MED14: variants seen among roughly 807,000 people sequenced by gnomAD.
MED14 encodes mediator complex subunit 14.
MED14 carries 8 observed loss-of-function variants against 109.0 expected under a neutral mutation model. The observed-to-expected ratio is 0.07, with a 90% CI of 0.04 to 0.13. The LOEUF (loss-of-function observed/expected upper bound fraction) is 0.13. Among genes scored for constraint, MED14 ranks in the 10% least tolerant of loss-of-function variants. MED14 has a pLI of 1.00. For missense variants in MED14, 711 were observed against 1,142.4 expected, an observed-to-expected ratio of 0.62 and a Z score of 5.44; for synonymous variants, 399 against 408.7, an observed-to-expected ratio of 0.98 and a Z score of 0.29.
At chrX:40,682,498 T>A in intron 18 of MED14, 105 bp downstream of exon 18, 2 of 643,703 alleles carry the variant, frequency 3.1e-6, no homozygotes, top group Non-Finnish European at 4.5e-6. Context: ...AGATATACTT[T>A]GATTTTTTTG....
At chrX:40,734,907 G>A (rs915303400) in intron 1 of MED14, among the ~76,000 whole-genome samples, 10 of 112,012 alleles carry the variant, frequency 8.9e-5, no homozygotes, top group African/African-American at 2.9e-4. Context: ...ATGTATTCCA[G>A]CCAAGAAATC....
chrX:40,674,547 G>GTA (rs1929847284), intron 22 of MED14, among the ~76,000 whole-genome samples: 1 of 112,179 alleles, frequency 8.9e-6, no homozygotes, highest in Admixed American at 9.4e-5. Flanking sequence ...CTTGCCTACA[G>GTA]GCTGTGTGCT....
At chrX:40,718,795 C>T (rs1385653691) in intron 3 of MED14, among the ~76,000 whole-genome samples, 3 of 111,450 alleles carry the variant, frequency 2.7e-5, no homozygotes, top group Non-Finnish European at 5.6e-5. Context: ...GCTGTGATTA[C>T]ACCACTGCAC....
At chrX:40,730,154 G>A (rs183850352) in intron 1 of MED14, among the ~76,000 whole-genome samples, 26 of 112,084 alleles carry the variant, frequency 2.3e-4, no homozygotes, top group African/African-American at 8.1e-4. Flanking sequence ...TCCCACCCAC[G>A]TGCCACAGGA....
intron 3 of MED14, among the ~76,000 whole-genome samples, chrX:40,718,343 G>C (rs967280523): frequency 9.0e-6 from 1 of 111,676 alleles, no homozygotes; most frequent in Non-Finnish European, 1.9e-5. Context: ...ATCAGACCAA[G>C]GTCAAGCTCA....
chrX:40,687,991 G>A (rs1930355419), intron 16 of MED14, among the ~76,000 whole-genome samples: 1 of 111,888 alleles, frequency 8.9e-6, no homozygotes, highest in African/African-American at 3.3e-5. Context: ...GAGGTGGGTG[G>A]ATCACTTGAG....
chrX:40,717,803 G>C (rs955950699), intron 3 of MED14, among the ~76,000 whole-genome samples: 5 of 112,293 alleles, frequency 4.5e-5, no homozygotes, highest in Non-Finnish European at 9.4e-5. Flanking sequence ...GATTACAGGC[G>C]TGAGCCACTG....
chrX:40,710,427 C>A (rs1193155172), intron 8 of MED14, among the ~76,000 whole-genome samples: 1 of 111,878 alleles, frequency 8.9e-6, no homozygotes, highest in Non-Finnish European at 1.9e-5. Context: ...GACTCCTTTA[C>A]AGAAAATGGG....
chrX:40,655,428 C>G lies in MED14; in HGVS notation c.3973-368G>C, dbSNP rs1316434845. Among the ~76,000 whole-genome samples, 7 of 111,362 alleles carry G rather than the reference C, an allele frequency of 6.3e-5. No homozygotes were observed. In the East Asian group the frequency reaches 1.7e-3, roughly 27 times the overall value. On this transcript the variant is annotated intron_variant, in intron 28 of 30. Transcript: ENST00000324817. ...CAGCTCTTTCCAGTGGCTGCCTCTT[C>G]CAGTCCATCCTCATACCACCATCAG...
Position 40,667,421 on chromosome X carries a change from T to C in MED14, c.3134-570A>G, listed in dbSNP as rs770292298. 1.5e-4 allele frequency among the ~76,000 whole-genome samples: 17 copies of C among 111,723 alleles called. No homozygotes were observed. In the South Asian group the frequency reaches 6.4e-3, roughly 42 times the overall value. On this transcript the variant is annotated intron_variant, in intron 23 of 30. Transcript: ENST00000324817. ...GCATGAGGATACCCAGGGGATGAGA[T>C]ATTCCAGCCAAACAGAGAGCTAGTG...
chrX:40,711,785 GCTT>G (rs1375973633), intron 7 of MED14, among the ~76,000 whole-genome samples: 1 of 106,595 alleles, frequency 9.4e-6, no homozygotes, highest in Non-Finnish European at 1.9e-5. Flanking sequence ...ACCACACCAG[GCTT>G]CTTTTTTTTT....
intron 26 of MED14, among the ~76,000 whole-genome samples, chrX:40,659,997 T>C (rs1378177448): frequency 8.9e-6 from 1 of 112,257 alleles, no homozygotes; most frequent in Admixed American, 9.5e-5. Flanking sequence ...GTAAGGGGAC[T>C]TAGAAAAACT....
chrX:40,666,376 G>A (rs1929480839), intron 24 of MED14, among the ~76,000 whole-genome samples: 1 of 107,599 alleles, frequency 9.3e-6, no homozygotes, highest in Non-Finnish European at 1.9e-5. Flanking sequence ...GGTACCCATT[G>A]TTGGGGGGCA....
At chrX:40,659,175 C>A (rs1929177814) in intron 28 of MED14, 52 bp downstream of exon 28, 1 of 896,301 alleles carries the variant, frequency 1.1e-6, no homozygotes, top group Admixed American at 3.2e-5. Context: ...CTCCCACCAA[C>A]TCTAACCTCC....
intron 23 of MED14, among the ~76,000 whole-genome samples, chrX:40,671,274 C>A (rs1929720622): frequency 9.0e-6 from 1 of 111,353 alleles, no homozygotes; most frequent in South Asian, 3.8e-4. Context: ...TCAAGAGATA[C>A]CACTGAATCA....
intron 12 of MED14, among the ~76,000 whole-genome samples, chrX:40,697,653 A>G (rs1403753927): frequency 8.0e-5 from 9 of 112,294 alleles, no homozygotes; most frequent in Non-Finnish European, 1.7e-4. Context: ...TTTTTAATAT[A>G]GTACTCCTTT....
chrX:40,656,716 T>C (rs1185462583), intron 28 of MED14, among the ~76,000 whole-genome samples: 3 of 112,089 alleles, frequency 2.7e-5, no homozygotes, highest in Non-Finnish European at 5.6e-5. Flanking sequence ...CTAAGCTTTG[T>C]TAAACAACAC....
At chrX:40,673,451 G>C (rs1307518395) in intron 22 of MED14, among the ~76,000 whole-genome samples, 1 of 111,951 alleles carries the variant, frequency 8.9e-6, no homozygotes, top group East Asian at 2.8e-4. Flanking sequence ...TTCTGCCTTA[G>C]CCTGCAACTA....
chrX:40,677,375 AC>A (rs1435656714), intron 21 of MED14, among the ~76,000 whole-genome samples: 5 of 111,422 alleles, frequency 4.5e-5, no homozygotes, highest in Non-Finnish European at 7.5e-5. Context: ...AATAAGTCTT[AC>A]CTTTAAATAA....
Sources: allele counts gnomAD v4.1 joint callset (sites outside exome capture counted in the v4.1 genomes callset), GRCh38; gene constraint gnomAD v4.1.1; transcripts MANE v1.5; gene names NCBI Gene and HGNC (gene_info 2026-07-23, HGNC 2026-07-21).